The following ATP7A variants were observed in gnomAD, a reference collection of about 807,000 sequenced individuals.
The protein encoded by ATP7A is copper-transporting ATPase 1.
ATP7A carries 7 observed loss-of-function variants against 83.5 expected under a neutral mutation model. The ratio of observed to expected loss-of-function variants is 0.08; its 90% CI spans 0.05 to 0.16. The LOEUF is 0.16. ATP7A is among the 10% of genes least tolerant of loss of function. The pLI, the probability that ATP7A is intolerant of heterozygous loss-of-function variation, is 1.00. For missense variants in ATP7A, 940 were observed against 1,120.8 expected (o/e 0.84, Z 2.30); for synonymous variants, 354 against 395.2 (o/e 0.90, Z 1.24).
At chrX:78,040,557 C>A (rs1243519668) in intron 18 of ATP7A, 34 bp from the exon 19 acceptor site, 1 of 1,197,820 alleles carries the variant, frequency 8.3e-7, no homozygotes, top group Non-Finnish European at 1.1e-6. Context: ...CACTATATTC[C>A]AAGTTCTTTT....
Position 78,046,516 on chromosome X carries a change from C to A in ATP7A, c.4449C>A (p.Asp1483Glu). ...ACAGTGTTGTTACCAGTGAACCTGACAAGCACTCACTCCTGGTGGGAGACT... is the reference window on the plus strand; with the variant it reads ...ACAGTGTTGTTACCAGTGAACCTGAAAAGCACTCACTCCTGGTGGGAGACT... Reference protein sequence around the residue: ...SLNSVVTSEPDKHSLLVGDFR... With the variant: ...SLNSVVTSEPEKHSLLVGDFR... The change falls in exon 23 of 23, where the codon GAC becomes GAA. Residue 1483 changes from aspartate (D) to glutamate (E), a missense_variant. Asp to Glu is a conservative substitution (Grantham distance 45, BLOSUM62 2). Transcript: ENST00000341514. 1 of 1,211,607 alleles carries A rather than the reference C, an allele frequency of 8.3e-7. No individual in the cohort carries two copies. The highest frequency in any genetic ancestry group is 1.1e-6 in the Non-Finnish European group (1 of 895,439).
intron 2 of ATP7A, among the ~76,000 whole-genome samples, chrX:77,983,080 TTGAGGACTC>T (rs1557231050): frequency 9.0e-6 from 1 of 111,390 alleles, no homozygotes; most frequent in Non-Finnish European, 1.9e-5. Flanking sequence ...AATCCCAATC[TTGAGGACTC>T]TGTCTTCATT....
chrX:78,033,446 G>A (rs190741499), intron 16 of ATP7A, among the ~76,000 whole-genome samples, 159 bp from the exon 17 acceptor site: 1 of 112,991 alleles, frequency 8.9e-6, no homozygotes, highest in African/African-American at 3.2e-5. Flanking sequence ...TATGTTTGAT[G>A]CTCTATTCCT....
At chrX:78,044,654 T>C (rs1475852304) in intron 21 of ATP7A, among the ~76,000 whole-genome samples, 1 of 111,867 alleles carries the variant, frequency 8.9e-6, no homozygotes, top group African/African-American at 3.2e-5. Flanking sequence ...TTTTTTTAGG[T>C]TGAGAGACCA....
intron 1 of ATP7A, among the ~76,000 whole-genome samples, chrX:77,917,509 A>G (rs782342256): frequency 8.9e-6 from 1 of 111,800 alleles, no homozygotes; most frequent in Non-Finnish European, 1.9e-5. Context: ...CAGTTAAGCA[A>G]TGTACACATG....
At chrX:78,029,514 A>G in intron 15 of ATP7A, 70 bp downstream of exon 15, 1 of 997,660 alleles carries the variant, frequency 1.0e-6, no homozygotes. Context: ...TGTGAGAAAC[A>G]CATACTCCTA....
At chrX:78,002,333 C>T (rs920625703) in intron 5 of ATP7A, among the ~76,000 whole-genome samples, 5 of 107,494 alleles carry the variant, frequency 4.7e-5, no homozygotes, top group Admixed American at 1.0e-4. Context: ...CTGCCCTCCT[C>T]GGCCTCCCGA....
chrX:77,961,352 C>T (rs1338484082), intron 1 of ATP7A, among the ~76,000 whole-genome samples: 2 of 111,989 alleles, frequency 1.8e-5, no homozygotes, highest in Non-Finnish European at 3.8e-5. Flanking sequence ...CATGATAAAA[C>T]TGTATTTCAG....
intron 1 of ATP7A, among the ~76,000 whole-genome samples, chrX:77,958,927 T>C (rs2077460411): frequency 9.2e-6 from 1 of 108,778 alleles, no homozygotes; most frequent in African/African-American, 3.3e-5. Flanking sequence ...TAGCTAGGAT[T>C]ACAGGTGTGC....
chrX:78,033,536 T>G, intron 16 of ATP7A, 69 bp from the exon 17 acceptor site: 1 of 1,055,613 alleles, frequency 9.5e-7, no homozygotes, highest in Non-Finnish European at 1.3e-6. Flanking sequence ...CTAGGGGTTT[T>G]TATCTTGCTA....
At chrX:77,932,718 C>T (rs1345521459) in intron 1 of ATP7A, among the ~76,000 whole-genome samples, 1 of 112,878 alleles carries the variant, frequency 8.9e-6, no homozygotes, top group East Asian at 2.8e-4. Context: ...GCCCGGCCAA[C>T]ACAGCGAAAC....
chrX:78,036,407 T>C (rs1557237740), intron 17 of ATP7A, among the ~76,000 whole-genome samples: 1 of 110,978 alleles, frequency 9.0e-6, no homozygotes, highest in African/African-American at 3.3e-5. Flanking sequence ...ACCAAAGCCT[T>C]TAGTCAGGAG....
intron 12 of ATP7A, among the ~76,000 whole-genome samples, chrX:78,017,425 T>A (rs1162842754): frequency 8.9e-6 from 1 of 112,537 alleles, no homozygotes; most frequent in African/African-American, 3.2e-5. Flanking sequence ...CCCCATTGTC[T>A]TGGCGATTAA....
At chrX:77,928,999 G>A (rs1169970211) in intron 1 of ATP7A, among the ~76,000 whole-genome samples, 1 of 111,554 alleles carries the variant, frequency 9.0e-6, no homozygotes, top group African/African-American at 3.3e-5. Context: ...AGGGGACCAC[G>A]TACAAGGGTT....
chrX:77,918,807 G>A (rs1239164064), intron 1 of ATP7A, among the ~76,000 whole-genome samples: 3 of 111,375 alleles, frequency 2.7e-5, no homozygotes, highest in Non-Finnish European at 5.6e-5. Flanking sequence ...CAATGTGGCA[G>A]CCCTGGAAAC....
chrX:77,979,389 A>G (rs1397721856), intron 2 of ATP7A, among the ~76,000 whole-genome samples: 1 of 111,733 alleles, frequency 8.9e-6, no homozygotes, highest in Non-Finnish European at 1.9e-5. Flanking sequence ...AAAGCTTAAA[A>G]TTTCTGCAAA....
chrX:77,919,744 T>A (rs2077202785), intron 1 of ATP7A, among the ~76,000 whole-genome samples: 1 of 112,550 alleles, frequency 8.9e-6, no homozygotes, highest in Admixed American at 9.4e-5. Context: ...CGCCTTGGCC[T>A]CCCAAAGTGC....
At chrX:78,022,322 C>G (rs1330220975) in intron 14 of ATP7A, among the ~76,000 whole-genome samples, 1 of 110,915 alleles carries the variant, frequency 9.0e-6, no homozygotes, top group Non-Finnish European at 1.9e-5. Flanking sequence ...TATTTGAGAA[C>G]TTAACCTAAC....
chrX:78,014,818 C>A, intron 11 of ATP7A, 65 bp downstream of exon 11: 2 of 831,386 alleles, frequency 2.4e-6, no homozygotes, highest in Non-Finnish European at 3.6e-6. Flanking sequence ...CAAATATATA[C>A]AGAAGTAGAA....
Sources: gnomAD v4.1 joint callset for allele counts (sites outside exome capture counted in the v4.1 genomes callset) on GRCh38, gnomAD v4.1.1 for gene constraint, MANE v1.5 for transcripts, NCBI Gene and HGNC (gene_info 2026-07-23, HGNC 2026-07-21) for gene names.